AKAP13: variants seen among roughly 807,000 people sequenced by gnomAD.
The protein encoded by AKAP13 is A-kinase anchor protein 13.
Under a neutral mutation model 264.5 loss-of-function variants are expected in AKAP13, and 80 were observed. That is an observed-to-expected ratio of 0.30 (90% confidence interval 0.25 to 0.36). The LOEUF is 0.36. Ranked by LOEUF, AKAP13 falls within the 10% of genes least tolerant of loss-of-function variation. The pLI is 1.00. For missense variants in AKAP13, 3,712 were observed against 3,435.2 expected, an observed-to-expected ratio of 1.08 and a Z score of -2.01; for synonymous variants, 1,380 against 1,250.2, an observed-to-expected ratio of 1.10 and a Z score of -2.19.
intron 2 of AKAP13, among the ~76,000 whole-genome samples, chr15:85,496,304 T>C (rs1463080141): frequency 6.6e-6 from 1 of 152,140 alleles, no homozygotes; most frequent in Non-Finnish European, 1.5e-5. Context: ...TACCACCACA[T>C]TGGGTTCCTG....
At chr15:85,730,437 G>T (rs1486333487) in intron 29 of AKAP13, 76 bp from the exon 30 acceptor site, 1 of 1,477,200 alleles carries the variant, frequency 6.8e-7, no homozygotes. Context: ...TTACCACAAG[G>T]TGGTGCTCGT....
intron 6 of AKAP13, among the ~76,000 whole-genome samples, chr15:85,578,267 A>G (rs1194287614): frequency 2.0e-5 from 3 of 152,220 alleles, no homozygotes; most frequent in African/African-American, 4.8e-5. Flanking sequence ...TGGCCTCAGA[A>G]TGAGAGAGCC....
intron 1 of AKAP13, among the ~76,000 whole-genome samples, chr15:85,399,360 G>C (rs1473836145): frequency 1.3e-5 from 2 of 149,096 alleles, no homozygotes; most frequent in African/African-American, 4.9e-5. Flanking sequence ...GCCGGGCGCG[G>C]TGGCGGGCGC....
rs949551309 is a variant in AKAP13, at chr15:85,708,498, G to C, written c.5532+412G>C. 2.0e-5 allele frequency among the ~76,000 whole-genome samples: 3 copies of C among 152,078 alleles called. No homozygotes were observed. The highest frequency in any genetic ancestry group is 7.2e-5 in the African/African-American group (3 of 41,406). Reference sequence around the variant, plus strand: ...TTGACCTGCTGGTGGGGGTGGGGAGGGTGTTATGGTTAGCCCCAGCCTGTC... The same window carrying C: ...TTGACCTGCTGGTGGGGGTGGGGAGCGTGTTATGGTTAGCCCCAGCCTGTC... On this transcript the variant is annotated intron_variant, in intron 18 of 36. Transcript: ENST00000394518. The surrounding 1 kb of genome is among the most constrained non-coding windows in gnomAD (Gnocchi z 4.3).
intron 14 of AKAP13, among the ~76,000 whole-genome samples, chr15:85,673,848 G>T (rs1450815331): frequency 7.5e-6 from 1 of 133,718 alleles, no homozygotes; most frequent in Admixed American, 7.0e-5. Context: ...ACCACACCCG[G>T]CTAATTTTTT....
rs758583417 is a variant in AKAP13 at position 85,744,649 on chromosome 15, C to G, written c.8414C>G (p.Ser2805Ter). Reference sequence around the variant, plus strand: ...CCAGATGGTCCCGCGTCAGAAGTATCAGCAGAGGGTGAAGAGATCTTCTGC... The same window carrying G: ...CCAGATGGTCCCGCGTCAGAAGTATGAGCAGAGGGTGAAGAGATCTTCTGC... ...QPGDGPASEVSAEGEEIFC is the reference protein window; with the variant it reads ...QPGDGPASEV Residue 2805 changes from serine to a stop codon, truncating the protein, a stop_gained, in exon 37 of 37, where the codon TCA (serine) becomes TGA (stop). Coordinates refer to ENST00000394518, the MANE Select transcript of AKAP13 (RefSeq NM_007200.5). LOFTEE classifies it high-confidence loss of function. 1 of 1,613,042 alleles carries G rather than the reference C, an allele frequency of 6.2e-7. No individual in the cohort carries two copies. Among genetic ancestry groups the G allele is most frequent in the Non-Finnish European group, 8.5e-7 (1 of 1,179,596 alleles).
chr15:85,520,595 T>G (rs1285147876), intron 2 of AKAP13: 2 of 510,772 alleles, frequency 3.9e-6, no homozygotes, highest in Non-Finnish European at 7.8e-6. Context: ...GCTCAAGATT[T>G]TTGTCTGATT....
At chr15:85,599,529 A>G (rs538491754) in intron 8 of AKAP13, among the ~76,000 whole-genome samples, 1 of 152,102 alleles carries the variant, frequency 6.6e-6, no homozygotes, top group South Asian at 2.1e-4. Flanking sequence ...ATCTCTACCT[A>G]CTCACTGGTT....
intron 2 of AKAP13, among the ~76,000 whole-genome samples, chr15:85,491,829 A>C (rs1022358434): frequency 6.6e-6 from 1 of 152,126 alleles, no homozygotes; most frequent in East Asian, 1.9e-4. Context: ...ACAAGAGCTC[A>C]TGTTTGCATA....
At chr15:85,728,228 C>T (rs1040059585) in intron 29 of AKAP13, among the ~76,000 whole-genome samples, 2 of 152,176 alleles carry the variant, frequency 1.3e-5, no homozygotes, top group African/African-American at 4.8e-5. Flanking sequence ...TCGAATGTTT[C>T]AAAGTAAAGA....
intron 1 of AKAP13, among the ~76,000 whole-genome samples, chr15:85,386,098 T>C (rs2070545475): frequency 6.6e-6 from 1 of 152,224 alleles, no homozygotes; most frequent in Admixed American, 6.5e-5. Flanking sequence ...GTGCTGGGAT[T>C]ACAGGCGCGA....
At chr15:85,535,899 A>T (rs1248403331) in intron 4 of AKAP13, 1 of 151,066 alleles carries the variant, frequency 6.6e-6, no homozygotes, top group African/African-American at 2.4e-5. Flanking sequence ...TCCTGGGTTG[A>T]AGCGATTCTC....
chr15:85,603,419 C>T (rs1328232895), intron 8 of AKAP13, among the ~76,000 whole-genome samples: 1 of 152,238 alleles, frequency 6.6e-6, no homozygotes, highest in Admixed American at 6.5e-5. Flanking sequence ...AACATCTTAC[C>T]ATTACTATGA....
chr15:85,602,570 C>T (rs1596673292), intron 8 of AKAP13, among the ~76,000 whole-genome samples: 1 of 151,958 alleles, frequency 6.6e-6, no homozygotes, highest in East Asian at 1.9e-4. Context: ...CACTGCCACC[C>T]CCACCTTCTG....
At position 85,723,468 on chromosome 15, in the gene AKAP13, G is replaced by A. The variant is rs190810057; in HGVS notation, c.6745+148G>A. On this transcript the variant is annotated intron_variant, in intron 26 of 36. Coordinates refer to ENST00000394518, the MANE Select transcript of AKAP13 (RefSeq NM_007200.5). ...AGGAGCAACAAGCATTTAGTTCTTC[G>A]TAATCTTATATCAAAAATGGTTTGT... 238 of 1,151,834 alleles carry A rather than the reference G, an allele frequency of 2.1e-4. 1 individual carries two copies. Among genetic ancestry groups the A allele is most frequent in the Middle Eastern group, 5.8e-4 (2 of 3,438 alleles). 71.4% of individuals were successfully genotyped at this position (1,151,834 alleles called of 1,614,324 possible).
rs2151731595 is a variant in AKAP13 at position 85,723,092 on chromosome 15, G to A, written c.6517G>A (p.Asp2173Asn). Residue 2173 changes from aspartate (D) to asparagine (N), a missense_variant, in exon 26 of 37, where the codon GAT becomes AAT. Asp to Asn is a conservative substitution (Grantham distance 23, BLOSUM62 1). This residue lies in a region of AKAP13 where 342 missense variants were observed against 484.3 expected (regional missense o/e 0.71). Coordinates refer to ENST00000394518, the MANE Select transcript of AKAP13 (RefSeq NM_007200.5). ...CCAAGACAATGAAGTGGAGCAGGAA[G>A]ATCTAGCACAGTCCTTGAGCCTGGT... ...CTKDNEVEQE[D>N]LAQSLSLVKD... The A allele has an allele frequency of 6.2e-7, 1 of 1,614,044 alleles. No homozygotes were observed. The highest frequency in any genetic ancestry group is 2.2e-5 in the East Asian group (1 of 44,868).
intron 4 of AKAP13, chr15:85,535,190 A>G (rs1226827465): frequency 6.6e-6 from 1 of 152,250 alleles, no homozygotes; most frequent in Non-Finnish European, 1.5e-5. Context: ...GGCCTGAGCC[A>G]TAGCATAGTT....
chr15:85,581,296 A>G lies in AKAP13; in HGVS notation c.3228A>G (p.Gly1076=), dbSNP rs1414384755. The G allele has an allele frequency of 4.3e-6, 7 of 1,614,016 alleles. No homozygotes were observed. The highest frequency in any genetic ancestry group is 5.9e-6 in the Non-Finnish European group (7 of 1,179,990). ...GAGTGAAGAACACTCAATCCCAGGG[A>G]AAAACTAGTGCCTGTGAGGTGAGTG... ...DVGVKNTQSQ[G]KTSACEVSGD... is the part of the protein sequence containing the mutation. Residue 1076 remains glycine, a synonymous_variant, in exon 7 of 37, where the codon GGA becomes GGG. Transcript: ENST00000394518.
chr15:85,580,548 G>A lies in AKAP13; in HGVS notation c.2480G>A (p.Gly827Asp). The change falls in exon 7 of 37, where the codon GGC (glycine) becomes GAC (aspartate). Residue 827 changes from glycine to aspartate, a missense_variant. Around this residue, in one of 3 missense-constraint regions of AKAP13, gnomAD observed 2,759 missense variants for 2,411.7 expected, o/e 1.14. Transcript: ENST00000394518. ...CATACAGCTACAGATTATAGAGATG[G>A]CCCAGATGGAAATTCGAATGAGCCT... The part of the protein sequence containing the change: ...ELHTATDYRD[G>D]PDGNSNEPDT... 1.2e-6 allele frequency: 2 copies of A among 1,614,160 alleles called. No individual in the cohort carries two copies. Among genetic ancestry groups the A allele is most frequent in the Non-Finnish European group, 1.7e-6 (2 of 1,180,030 alleles).
Sources: allele counts gnomAD v4.1 joint callset (sites outside exome capture counted in the v4.1 genomes callset), GRCh38; gene constraint gnomAD v4.1.1; regional missense constraint gnomAD v4.1.1; non-coding constraint Gnocchi (gnomAD v3.1); transcripts MANE v1.5; gene names NCBI Gene and HGNC (gene_info 2026-07-23, HGNC 2026-07-21).